RPS19BP1: variants seen among roughly 807,000 people sequenced by gnomAD.
The protein encoded by RPS19BP1 is active regulator of SIRT1.
A neutral mutation model predicts 16.6 loss-of-function variants in RPS19BP1; 14 were observed. The ratio of observed to expected loss-of-function variants is 0.84; its 90% CI spans 0.56 to 1.32. The LOEUF is 1.32. Among genes scored for constraint, RPS19BP1 ranks in the 40% most tolerant of loss-of-function variants. The probability of loss-of-function intolerance (pLI) is 0.00; values close to 1 mark genes in which losing one functional copy is unlikely to be tolerated. For missense variants in RPS19BP1, 188 were observed against 178.6 expected, an observed-to-expected ratio of 1.05 and a Z score of -0.30; for synonymous variants, 90 against 77.3, an observed-to-expected ratio of 1.16 and a Z score of -0.86.
At position 39,532,588 on chromosome 22, in the gene RPS19BP1, G is replaced by A. The variant is rs73885252; in HGVS notation, c.53-65C>T. On this transcript the variant is annotated intron_variant, in intron 1 of 3. Coordinates refer to ENST00000334678, the MANE Select transcript of RPS19BP1 (RefSeq NM_194326.4). ...CGCGCAGCGTTCCCATGCCACTGGG[G>A]CTAAGCCCGGCCTGGATTGTTTTCC... 4.9e-3 allele frequency: 7,809 copies of A among 1,609,780 alleles called. 289 individuals are homozygous for A. The African/African-American group carries it at 0.086, about 18-fold the overall frequency.
At position 39,529,832 on chromosome 22, in the gene RPS19BP1, A is replaced by G; in HGVS notation, c.267T>C (p.Ser89=). ...ACCCTCGACCAACCTGCTGGCTCAC[A>G]GACTCAGCCACGGTGCTTCTCGTCC... ...LTRTRSTVAE[S]VSQQILRQNR... Residue 89 remains serine (S), a synonymous_variant, in exon 3 of 4, where the codon TCT becomes TCC. Transcript: ENST00000334678. The G allele has an allele frequency of 6.2e-7, 1 of 1,614,114 alleles. No homozygotes were observed. The highest frequency in any genetic ancestry group is 8.5e-7 in the Non-Finnish European group (1 of 1,179,968).
At chr22:39,532,574 C>G (rs759408846) in intron 1 of RPS19BP1, 51 bp from the exon 2 acceptor site, 17 of 1,611,274 alleles carry the variant, frequency 1.1e-5, no homozygotes, top group Admixed American at 1.0e-4. Context: ...GCGCAGCGTT[C>G]CCATGCCACT....
Position 39,529,362 on chromosome 22 carries a change from C to G in RPS19BP1, c.*130G>C. On this transcript the variant is annotated 3_prime_UTR_variant, in exon 4 of 4. Transcript: ENST00000334678. ...TTCCAGCCTCCACTCGGCTCAGCTC[C>G]GCGGCTTCCTCGAGCCAGGCTGGTC... 7.7e-7 allele frequency: 1 copy of G among 1,293,354 alleles called. No homozygotes were observed. The highest frequency in any genetic ancestry group is 1.1e-6 in the Non-Finnish European group (1 of 940,412). The allele number at this position is 1,293,354 out of a possible 1,614,324, so 80.1% of individuals were successfully genotyped here.
intron 1 of RPS19BP1, 62 bp from the exon 2 acceptor site, chr22:39,532,585 G>A: frequency 6.2e-7 from 1 of 1,610,530 alleles, no homozygotes; most frequent in East Asian, 2.2e-5. Context: ...CCATGCCACT[G>A]GGGCTAAGCC....
intron 3 of RPS19BP1, 87 bp from the exon 4 acceptor site, chr22:39,529,710 G>A (rs1931254666): frequency 6.3e-7 from 1 of 1,598,060 alleles, no homozygotes; most frequent in Non-Finnish European, 8.5e-7. Flanking sequence ...GCAGGGCAGG[G>A]CTGGCCCAGC....
At chr22:39,530,542 G>C (rs532564057) in intron 2 of RPS19BP1, 1 of 287,484 alleles carries the variant, frequency 3.5e-6, no homozygotes, top group East Asian at 1.4e-4. Flanking sequence ...TGGCCAACAT[G>C]GTGAAACCCC....
Position 39,532,537 on chromosome 22 carries a change from G to T in RPS19BP1, c.53-14C>A, listed in dbSNP as rs369647483. The T allele has an allele frequency of 3.1e-6, 5 of 1,613,420 alleles. No homozygotes were observed. Among genetic ancestry groups the T allele is most frequent in the East Asian group, 2.2e-5 (1 of 44,898 alleles). On this transcript the variant is annotated splice_polypyrimidine_tract_variant and intron_variant, in intron 1 of 3. Coordinates refer to ENST00000334678, the MANE Select transcript of RPS19BP1 (RefSeq NM_194326.4). ...GGTCCCGGGGGGCTGTAGGGGAAGA[G>T]AGAGGAAGAGACCCAGGTCAGAGGG...
Position 39,529,358 on chromosome 22 carries a change from G to T in RPS19BP1, c.*134C>A. 1 of 1,247,604 alleles carries T rather than the reference G, an allele frequency of 8.0e-7. No homozygotes were observed. Among genetic ancestry groups the T allele is most frequent in the Non-Finnish European group, 1.1e-6 (1 of 899,868 alleles). The allele number at this position is 1,247,604 out of a possible 1,614,324, so 77.3% of individuals were successfully genotyped here. On this transcript the variant is annotated 3_prime_UTR_variant, in exon 4 of 4. Coordinates refer to ENST00000334678, the MANE Select transcript of RPS19BP1 (RefSeq NM_194326.4). ...TCCATTCCAGCCTCCACTCGGCTCA[G>T]CTCCGCGGCTTCCTCGAGCCAGGCT...
In RPS19BP1 at chr22:39,529,893, C is replaced by T. The variant is rs201833692; in HGVS notation, c.206G>A (p.Arg69Gln). 24 of 1,614,146 alleles carry T rather than the reference C, an allele frequency of 1.5e-5. No homozygotes were observed. The East Asian group carries it at 2.7e-4, about 18-fold the overall frequency. Residue 69 changes from arginine to glutamine, a missense_variant, in exon 3 of 4, where the codon CGA becomes CAA. Transcript: ENST00000334678. ...ALDEYRKREC[R>Q]DHLRVNLKFL... Reference sequence around the variant, plus strand: ...CTTCAGGTTTACTCTGAGGTGGTCTCGACACTCTCGCTTCCGGTACTCGTC... The same window carrying T: ...CTTCAGGTTTACTCTGAGGTGGTCTTGACACTCTCGCTTCCGGTACTCGTC...
In RPS19BP1 at chr22:39,529,285, A is replaced by T; in HGVS notation, c.*207T>A. On this transcript the variant is annotated 3_prime_UTR_variant, in exon 4 of 4. Transcript: ENST00000334678. ...TGCTCTGCCCAGGCCTGCGGAAGCC[A>T]GCTCCGGTCTGTGTGTAAATCCTCC... 2 of 646,296 alleles carry T rather than the reference A, an allele frequency of 3.1e-6. No homozygotes were observed. The highest frequency in any genetic ancestry group is 3.9e-5 in the South Asian group (2 of 51,178). The allele number at this position is 646,296 out of a possible 1,614,324, so 40.0% of individuals were successfully genotyped here.
chr22:39,532,649 C>T (rs1446124643), intron 1 of RPS19BP1, 38 bp downstream of exon 1: 4 of 1,575,604 alleles, frequency 2.5e-6, no homozygotes, highest in Non-Finnish European at 1.7e-6. Flanking sequence ...TACCATCCTC[C>T]TGCCCGCGCC....
At chr22:39,530,007 A>C (rs1409511451) in intron 2 of RPS19BP1, 90 bp from the exon 3 acceptor site, 4 of 1,029,072 alleles carry the variant, frequency 3.9e-6, no homozygotes, top group Non-Finnish European at 6.0e-6. Context: ...CAAAGACCTC[A>C]TCGTTCCCTT....
Position 39,529,389 on chromosome 22 carries a change from T to C in RPS19BP1, c.*103A>G, listed in dbSNP as rs779052495. 20 of 1,490,874 alleles carry C rather than the reference T, an allele frequency of 1.3e-5. No homozygotes were observed. Among genetic ancestry groups the C allele is most frequent in the Non-Finnish European group, 1.8e-5 (20 of 1,098,676 alleles). The allele number at this position is 1,490,874 out of a possible 1,614,324, so 92.4% of individuals were successfully genotyped here. A position where few individuals can be genotyped will look rare whatever the true frequency, so the allele number is the denominator to read the frequency against. ...CGGCTTCCTCGAGCCAGGCTGGTCCTGCATCGCCATCTGCTGGCCGCGCGG... is the reference window on the plus strand; with the variant it reads ...CGGCTTCCTCGAGCCAGGCTGGTCCCGCATCGCCATCTGCTGGCCGCGCGG... On this transcript the variant is annotated 3_prime_UTR_variant, in exon 4 of 4. Coordinates refer to ENST00000334678, the MANE Select transcript of RPS19BP1 (RefSeq NM_194326.4).
chr22:39,531,412 GAC>G (rs1173184108), intron 2 of RPS19BP1: 2 of 152,146 alleles, frequency 1.3e-5, no homozygotes, highest in Admixed American at 1.3e-4. Flanking sequence ...TAGGGATTCA[GAC>G]ACAGTAAGAG....
At chr22:39,530,617 C>T (rs1268362164) in intron 2 of RPS19BP1, 24 of 205,822 alleles carry the variant, frequency 1.2e-4, no homozygotes, top group South Asian at 9.4e-4. Flanking sequence ...CCCAGCTACT[C>T]GGGAGGCTGA....
At chr22:39,532,255 C>A in intron 2 of RPS19BP1, 140 bp downstream of exon 2, 1 of 1,240,752 alleles carries the variant, frequency 8.1e-7, no homozygotes, top group Non-Finnish European at 1.1e-6. Context: ...TTCGTATGTC[C>A]AGGGCCCCGC....
In RPS19BP1 at chr22:39,529,411, G is replaced by A. The variant is rs539782581; in HGVS notation, c.*81C>T. On this transcript the variant is annotated 3_prime_UTR_variant, in exon 4 of 4. Transcript: ENST00000334678. ...TCCTGCATCGCCATCTGCTGGCCGCGCGGCACGGCCGGTTCCTGGAGCCAG... is the reference window on the plus strand; with the variant it reads ...TCCTGCATCGCCATCTGCTGGCCGCACGGCACGGCCGGTTCCTGGAGCCAG... The A allele has an allele frequency of 2.6e-6, 4 of 1,564,596 alleles. No individual in the cohort carries two copies. Among genetic ancestry groups the A allele is most frequent in the South Asian group, 1.1e-5 (1 of 87,142 alleles).
intron 2 of RPS19BP1, chr22:39,530,452 G>A (rs543211254): frequency 4.8e-4 from 115 of 240,286 alleles, no homozygotes; most frequent in African/African-American, 2.5e-3. Flanking sequence ...GGCTGGGTGC[G>A]GTGGCTCACA....
Position 39,529,860 on chromosome 22 carries a change from G to A in RPS19BP1, c.239C>T (p.Thr80Ile). The A allele has an allele frequency of 6.2e-7, 1 of 1,614,154 alleles. No homozygotes were observed. Among genetic ancestry groups the A allele is most frequent in the Non-Finnish European group, 8.5e-7 (1 of 1,180,032 alleles). ...DHLRVNLKFL[T>I]RTRSTVAESV... ...CTCAGCCACGGTGCTTCTCGTCCTG[G>A]TCAGAAACTTCAGGTTTACTCTGAG... The change falls in exon 3 of 4, where the codon ACC (threonine) becomes ATC (isoleucine). Residue 80 changes from threonine (T) to isoleucine (I), a missense_variant. Thr to Ile is a moderately conservative substitution (Grantham distance 89, BLOSUM62 -1). Coordinates refer to ENST00000334678, the MANE Select transcript of RPS19BP1 (RefSeq NM_194326.4).
Sources: gnomAD v4.1 joint callset for allele counts on GRCh38, gnomAD v4.1.1 for gene constraint, MANE v1.5 for transcripts, NCBI Gene and HGNC (gene_info 2026-07-23, HGNC 2026-07-21) for gene names.